SCARA5: variants seen among roughly 807,000 people sequenced by gnomAD.
SCARA5 encodes the protein scavenger receptor class A member 5, also known as scavenger receptor class A, member 5 (putative).
A neutral mutation model predicts 46.3 loss-of-function variants in SCARA5; 45 were observed. That is an observed-to-expected ratio of 0.97 (90% CI 0.76 to 1.24). The LOEUF (loss-of-function observed/expected upper bound fraction) is 1.24, where lower values mean the gene tolerates loss of function less well. SCARA5 is among the 50% of genes most tolerant of loss of function. The pLI is 0.00. For missense variants in SCARA5, 680 were observed against 689.0 expected, an observed-to-expected ratio of 0.99 and a Z score of 0.15; for synonymous variants, 333 against 306.5, an observed-to-expected ratio of 1.09 and a Z score of -0.90.
chr8:27,906,334 G>A (rs939882416), intron 6 of SCARA5, among the ~76,000 whole-genome samples: 12 of 152,356 alleles, frequency 7.9e-5, no homozygotes, highest in Middle Eastern at 3.4e-3. Context: ...CAGACTGACT[G>A]TAAAAGTAGG....
intron 4 of SCARA5, among the ~76,000 whole-genome samples, chr8:27,910,741 T>A (rs17058213): frequency 2.0e-5 from 3 of 152,166 alleles, no homozygotes; most frequent in Non-Finnish European, 1.5e-5. Flanking sequence ...AGAGACTGAC[T>A]TTGGTGAAAG....
chr8:27,879,735 C>G lies in SCARA5; in HGVS notation c.1185G>C (p.Leu395=). 6.2e-7 allele frequency: 1 copy of G among 1,613,152 alleles called. No individual in the cohort carries two copies. The change falls in exon 8 of 9, where the codon CTG becomes CTC. Residue 395 remains leucine (L), a synonymous_variant. Transcript: ENST00000354914. ...CCTCGTGCGGACCTGAGCCATTCAC[C>G]AGGCGGATCATCATCGGGGCCTCCA... The part of the protein sequence containing the change: ...SGVEAPMMIR[L]VNGSGPHEGR...
chr8:27,945,729 T>C (rs1360286289), intron 3 of SCARA5, among the ~76,000 whole-genome samples: 1 of 152,234 alleles, frequency 6.6e-6, no homozygotes, highest in East Asian at 1.9e-4. Context: ...TTAGACACTT[T>C]ATAAATGCCT....
At chr8:27,894,484 G>A (rs146484616) in intron 7 of SCARA5, among the ~76,000 whole-genome samples, 90 of 152,370 alleles carry the variant, frequency 5.9e-4, no homozygotes, top group African/African-American at 2.0e-3. Context: ...AGTCTTGACT[G>A]TATCTGGGAA....
At position 27,871,301 on chromosome 8, in the gene SCARA5, T is replaced by A. The variant is rs1451647428; in HGVS notation, c.*633A>T. 1 of 350,708 alleles carries A rather than the reference T, an allele frequency of 2.9e-6. No homozygotes were observed. Among genetic ancestry groups the A allele is most frequent in the African/African-American group, 2.2e-5 (1 of 45,012 alleles). 21.7% of individuals were successfully genotyped at this position (350,708 alleles called of 1,614,324 possible). Reference sequence around the variant, plus strand: ...ACTATTTAGCGTGCCATGGTAGTCATTCAATGTTAGTTTCATTCCCTTCTC... The same window carrying A: ...ACTATTTAGCGTGCCATGGTAGTCAATCAATGTTAGTTTCATTCCCTTCTC... On this transcript the variant is annotated 3_prime_UTR_variant, in exon 9 of 9. Coordinates refer to ENST00000354914, the MANE Select transcript of SCARA5 (RefSeq NM_173833.6).
rs533108401 is a variant in SCARA5 at position 27,870,310 on chromosome 8, G to A, written c.*1624C>T. On this transcript the variant is annotated 3_prime_UTR_variant, in exon 9 of 9. Transcript: ENST00000354914. Reference sequence around the variant, plus strand: ...TATGTTTATATATGCATACATATATGGGCTCTGGCAAGGGATGCATGAGTA... The same window carrying A: ...TATGTTTATATATGCATACATATATAGGCTCTGGCAAGGGATGCATGAGTA... 3 of 152,038 alleles carry A rather than the reference G, an allele frequency of 2.0e-5. No individual in the cohort carries two copies. In the South Asian group the frequency reaches 6.3e-4, roughly 32 times the overall value. 9.4% of individuals were successfully genotyped at this position (152,038 alleles called of 1,614,324 possible). A position where few individuals can be genotyped will look rare whatever the true frequency, so the allele number is the denominator to read the frequency against.
chr8:27,963,845 C>T (rs1264055967), intron 3 of SCARA5, among the ~76,000 whole-genome samples: 1 of 152,026 alleles, frequency 6.6e-6, no homozygotes, highest in Admixed American at 6.6e-5. Flanking sequence ...AGATATGGCA[C>T]TGGGTTGCAG....
At chr8:27,957,086 C>G (rs368373145) in intron 3 of SCARA5, among the ~76,000 whole-genome samples, 1 of 152,076 alleles carries the variant, frequency 6.6e-6, no homozygotes, top group East Asian at 1.9e-4. Flanking sequence ...GCACAGAGGC[C>G]GAGGCATGGA....
intron 3 of SCARA5, among the ~76,000 whole-genome samples, chr8:27,928,653 T>C (rs1427880829): frequency 6.6e-6 from 1 of 151,786 alleles, no homozygotes; most frequent in Non-Finnish European, 1.5e-5. Flanking sequence ...TTTCTCTTTT[T>C]CTTTTCTTTT....
rs547294748 is a variant in SCARA5 at position 27,925,414 on chromosome 8, C to G, written c.242-3169G>C. Among the ~76,000 whole-genome samples, 168 of 152,242 alleles carry G rather than the reference C, an allele frequency of 1.1e-3. 2 individuals carry two copies. The highest frequency in any genetic ancestry group is 4.8e-3 in the South Asian group (23 of 4,820). On this transcript the variant is annotated intron_variant, in intron 3 of 8. Transcript: ENST00000354914. The stretch of plus-strand genomic sequence containing the variant: ...AGGATTTCCTATTTAATAAATGGTG[C>G]TGGGAAAACTGGCTAGCCATATGTA...
intron 1 of SCARA5, among the ~76,000 whole-genome samples, chr8:27,990,103 C>A (rs566366283): frequency 6.6e-6 from 1 of 152,176 alleles, no homozygotes; most frequent in Admixed American, 6.5e-5. Flanking sequence ...GCTCCTGGGA[C>A]GGGGCTGGAA....
intron 3 of SCARA5, among the ~76,000 whole-genome samples, chr8:27,961,414 G>A (rs1364077974): frequency 1.3e-5 from 2 of 152,148 alleles, no homozygotes; most frequent in Admixed American, 6.5e-5. Flanking sequence ...AGCTTCCTGA[G>A]GCCTTACCAG....
intron 2 of SCARA5, among the ~76,000 whole-genome samples, chr8:27,970,898 C>A (rs1380701596): frequency 6.6e-6 from 1 of 151,968 alleles, no homozygotes; most frequent in Admixed American, 6.5e-5. Context: ...TAAAAAAAAA[C>A]CCACTACTTC....
At chr8:27,927,562 A>G (rs1481952812) in intron 3 of SCARA5, among the ~76,000 whole-genome samples, 1 of 152,034 alleles carries the variant, frequency 6.6e-6, no homozygotes, top group Non-Finnish European at 1.5e-5. Flanking sequence ...TCTGTTTTAT[A>G]ATTATGATTT....
At chr8:27,976,345 G>A (rs1284702386) in intron 2 of SCARA5, among the ~76,000 whole-genome samples, 1 of 152,202 alleles carries the variant, frequency 6.6e-6, no homozygotes, top group Non-Finnish European at 1.5e-5. Context: ...CAGGCTCAGG[G>A]TTCTGCCTAA....
chr8:27,983,558 C>G (rs1338527331), intron 2 of SCARA5, among the ~76,000 whole-genome samples: 1 of 152,222 alleles, frequency 6.6e-6, no homozygotes, highest in Non-Finnish European at 1.5e-5. Flanking sequence ...TCCAGCTCCA[C>G]CACTGATGAC....
chr8:27,921,824 G>A lies in SCARA5; in HGVS notation c.663C>T (p.Ala221=). The A allele has an allele frequency of 1.9e-6, 3 of 1,547,862 alleles. No individual in the cohort carries two copies. The East Asian group carries it at 7.2e-5, about 37-fold the overall frequency. The change falls in exon 4 of 9, where the codon GCC becomes GCT. Residue 221 remains alanine, a synonymous_variant. Coordinates refer to ENST00000354914, the MANE Select transcript of SCARA5 (RefSeq NM_173833.6). The part of the protein sequence containing the change: ...RRVGILGEEL[A]DVGGVLRGLN... Reference sequence around the variant, plus strand: ...GGCCGCGCAGCACGCCGCCCACGTCGGCCAGCTCCTCGCCCAGGATGCCCA... The same window carrying A: ...GGCCGCGCAGCACGCCGCCCACGTCAGCCAGCTCCTCGCCCAGGATGCCCA...
chr8:27,871,862 G>A lies in SCARA5; in HGVS notation c.*72C>T, dbSNP rs1285564985. The A allele has an allele frequency of 3.5e-5, 56 of 1,605,456 alleles. No individual in the cohort carries two copies. The highest frequency in any genetic ancestry group is 2.2e-4 in the Middle Eastern group (1 of 4,616). ...GTCGAGGCATGGTCAGGGTGGCCCC[G>A]AGCTGTGCCCCACCCCAGGGATGCA... On this transcript the variant is annotated 3_prime_UTR_variant, in exon 9 of 9. Transcript: ENST00000354914.
intron 3 of SCARA5, 33 bp from the exon 4 acceptor site, chr8:27,922,278 C>T (rs750672549): frequency 1.2e-5 from 17 of 1,474,806 alleles, no homozygotes; most frequent in South Asian, 1.1e-4. Context: ...ACTTGAGCAC[C>T]GCTGGGGAGG....
Sources: allele counts gnomAD v4.1 joint callset (sites outside exome capture counted in the v4.1 genomes callset), GRCh38; gene constraint gnomAD v4.1.1; transcripts MANE v1.5; gene names NCBI Gene and HGNC (gene_info 2026-07-23, HGNC 2026-07-21).